The following PAK2 variants were observed in gnomAD, a reference collection of about 807,000 sequenced individuals.
The protein encoded by PAK2 is p21 (RAC1) activated kinase 2, also known as serine/threonine-protein kinase PAK 2.
PAK2 carries 21 observed loss-of-function variants against 65.9 expected under a neutral mutation model. The observed-to-expected ratio is 0.32, with a 90% CI of 0.23 to 0.46. The LOEUF is 0.46. Ranked by LOEUF, PAK2 falls within the 20% of genes least tolerant of loss-of-function variation. PAK2 has a pLI of 1.00. For synonymous variants in PAK2, 204 were observed against 219.7 expected (o/e 0.93, Z 0.63); for missense variants, 324 against 642.6 (o/e 0.50, Z 5.36).
chr3:196,776,079 G>A (rs767635663), intron 1 of PAK2, among the ~76,000 whole-genome samples: 1 of 152,196 alleles, frequency 6.6e-6, no homozygotes, highest in Non-Finnish European at 1.5e-5. Flanking sequence ...CTGCAATACC[G>A]TGGGGGAGTC....
intron 7 of PAK2, among the ~76,000 whole-genome samples, chr3:196,810,127 C>T (rs1339303923): frequency 6.6e-6 from 1 of 151,746 alleles, no homozygotes; most frequent in Non-Finnish European, 1.5e-5. Flanking sequence ...ACTAAGTAGT[C>T]TCAAACTTAC....
In PAK2 at chr3:196,812,719, C is replaced by T. The variant is rs768361566; in HGVS notation, c.823-20C>T. 2.7e-6 allele frequency: 3 copies of T among 1,100,818 alleles called. No individual in the cohort carries two copies. The highest frequency in any genetic ancestry group is 2.0e-5 in the Admixed American group (1 of 50,642). The allele number at this position is 1,100,818 out of a possible 1,614,324, so 68.2% of individuals were successfully genotyped here. A position where few individuals can be genotyped will look rare whatever the true frequency, so the allele number is the denominator to read the frequency against. On this transcript the variant is annotated intron_variant, in intron 9 of 14. Transcript: ENST00000327134. ...GAGAATTCCTAAACCTGGTTTTTTT[C>T]AATCCTGTTTTCATTATAGGTTGCT...
chr3:196,782,976 G>T (rs763468822), intron 2 of PAK2, 143 bp downstream of exon 2: 4 of 454,298 alleles, frequency 8.8e-6, no homozygotes, highest in Non-Finnish European at 1.2e-5. Context: ...AAAAAGACTA[G>T]TTTATTTTAA....
At chr3:196,760,341 C>T (rs1202434619) in intron 1 of PAK2, among the ~76,000 whole-genome samples, 1 of 152,160 alleles carries the variant, frequency 6.6e-6, no homozygotes, top group Non-Finnish European at 1.5e-5. Context: ...ACCTCCGTCT[C>T]CCGGGTTCAA....
At chr3:196,813,341 C>T (rs1304879559) in intron 10 of PAK2, among the ~76,000 whole-genome samples, 1 of 151,504 alleles carries the variant, frequency 6.6e-6, no homozygotes, top group Non-Finnish European at 1.5e-5. Context: ...ACCTGTAATC[C>T]CAGCTACTCA....
At position 196,827,240 on chromosome 3, in the gene PAK2, T is replaced by C. The variant is rs368539952; in HGVS notation, c.1395T>C (p.Asn465=). 2.5e-6 allele frequency: 4 copies of C among 1,610,896 alleles called. No individual in the cohort carries two copies. Among genetic ancestry groups the C allele is most frequent in the Non-Finnish European group, 3.4e-6 (4 of 1,177,406 alleles). ...IATNGTPELQ[N]PEKLSPIFRD... ...CTAATGGAACCCCAGAACTTCAGAA[T>C]CCAGAGAAACTTTCCCCAATATTTC... is the stretch of plus-strand genomic sequence containing the variant. Residue 465 remains asparagine, a synonymous_variant, in exon 14 of 15, where the codon AAT becomes AAC. Coordinates refer to ENST00000327134, the MANE Select transcript of PAK2 (RefSeq NM_002577.4).
intron 1 of PAK2, among the ~76,000 whole-genome samples, chr3:196,748,742 A>G (rs542233094): frequency 6.6e-6 from 1 of 152,306 alleles, no homozygotes; most frequent in African/African-American, 2.4e-5. Flanking sequence ...GTGATTATGA[A>G]TAAAGCTGCT....
At chr3:196,751,869 A>G (rs1713614496) in intron 1 of PAK2, among the ~76,000 whole-genome samples, 1 of 147,698 alleles carries the variant, frequency 6.8e-6, no homozygotes, top group Non-Finnish European at 1.5e-5. Context: ...CAGTCTCCTG[A>G]GTAGCTGGGA....
intron 1 of PAK2, among the ~76,000 whole-genome samples, chr3:196,773,213 CA>C (rs2108731629): frequency 6.6e-6 from 1 of 152,202 alleles, no homozygotes; most frequent in Non-Finnish European, 1.5e-5. Context: ...TGAAAAGTAG[CA>C]AAAAGTGTTT....
chr3:196,787,128 T>C (rs1009953244), intron 2 of PAK2, among the ~76,000 whole-genome samples: 2 of 152,138 alleles, frequency 1.3e-5, no homozygotes, highest in Non-Finnish European at 2.9e-5. Flanking sequence ...CTGGCTCTTA[T>C]ATTGATTGTT....
At chr3:196,762,710 G>A (rs1263236850) in intron 1 of PAK2, among the ~76,000 whole-genome samples, 3 of 151,278 alleles carry the variant, frequency 2.0e-5, no homozygotes, top group South Asian at 2.1e-4. Flanking sequence ...GAGGAGAACC[G>A]CTTTAACCGG....
chr3:196,759,971 A>T (rs1713908575), intron 1 of PAK2, among the ~76,000 whole-genome samples: 1 of 151,996 alleles, frequency 6.6e-6, no homozygotes, highest in African/African-American at 2.4e-5. Context: ...CCCAAATACC[A>T]CTAATCTATT....
At chr3:196,804,965 A>G (rs1294167512) in intron 4 of PAK2, among the ~76,000 whole-genome samples, 2 of 152,096 alleles carry the variant, frequency 1.3e-5, no homozygotes, top group African/African-American at 4.8e-5. Flanking sequence ...TTGTTGCATT[A>G]AGTTCCTCAG....
In PAK2 at chr3:196,815,659, C is replaced by T. The variant is rs150544618; in HGVS notation, c.1053+1091C>T. ...AAAATTAGCTGGGTGTGGTGGTACG[C>T]GCCTGTAGTCTCAGCTACTCGGGAG... is the stretch of plus-strand genomic sequence containing the variant. On this transcript the variant is annotated intron_variant, in intron 11 of 14. Coordinates refer to ENST00000327134, the MANE Select transcript of PAK2 (RefSeq NM_002577.4). Among the ~76,000 whole-genome samples, 463 of 151,732 alleles carry T rather than the reference C, an allele frequency of 3.1e-3. 6 individuals carry two copies. The East Asian group carries it at 0.033, about 11-fold the overall frequency.
chr3:196,823,830 A>G (rs1034546720), intron 13 of PAK2, among the ~76,000 whole-genome samples: 3 of 151,890 alleles, frequency 2.0e-5, no homozygotes, highest in African/African-American at 7.3e-5. Context: ...AAAAAAAGAA[A>G]AAAACACCTT....
intron 2 of PAK2, among the ~76,000 whole-genome samples, chr3:196,798,280 C>T (rs1004904153): frequency 1.3e-5 from 2 of 151,912 alleles, no homozygotes; most frequent in Admixed American, 6.6e-5. Context: ...GGTGGTGGCA[C>T]CCCTACAGAT....
chr3:196,778,416 T>C (rs1165646115), intron 1 of PAK2, among the ~76,000 whole-genome samples: 4 of 152,254 alleles, frequency 2.6e-5, no homozygotes, highest in Non-Finnish European at 5.9e-5. Flanking sequence ...GGAGTGGAAT[T>C]GCGGGGTCGC....
intron 13 of PAK2, among the ~76,000 whole-genome samples, chr3:196,826,547 G>C (rs1711883014): frequency 6.6e-6 from 1 of 151,384 alleles, no homozygotes; most frequent in African/African-American, 2.4e-5. Flanking sequence ...TGTATGACTT[G>C]AAAAAAATTT....
intron 1 of PAK2, among the ~76,000 whole-genome samples, chr3:196,769,284 C>T (rs1466799934): frequency 6.6e-6 from 1 of 151,948 alleles, no homozygotes; most frequent in South Asian, 2.1e-4. Flanking sequence ...TATTGCACCA[C>T]TGCACTCCTG....
Sources: gnomAD v4.1 joint callset for allele counts (sites outside exome capture counted in the v4.1 genomes callset) on GRCh38, gnomAD v4.1.1 for gene constraint, MANE v1.5 for transcripts, NCBI Gene and HGNC (gene_info 2026-07-23, HGNC 2026-07-21) for gene names.